Variants in TMEM209 observed in about 807,000 individuals in gnomAD.
TMEM209 encodes the protein transmembrane protein 209.
A neutral mutation model predicts 76.2 loss-of-function variants in TMEM209; 65 were observed. That is an observed-to-expected ratio of 0.85 (90% CI 0.70 to 1.05). The LOEUF (loss-of-function observed/expected upper bound fraction) is 1.05. Ranked by LOEUF, TMEM209 falls within the 50% of genes least tolerant of loss-of-function variation. The pLI, the probability that TMEM209 is intolerant of heterozygous loss-of-function variation, is 0.00. For synonymous variants in TMEM209, 239 were observed against 237.6 expected, an observed-to-expected ratio of 1.01 and a Z score of -0.06; for missense variants, 623 against 685.5, an observed-to-expected ratio of 0.91 and a Z score of 1.02.
intron 13 of TMEM209, among the ~76,000 whole-genome samples, chr7:130,171,076 T>G (rs1282277640): frequency 6.6e-6 from 1 of 151,994 alleles, no homozygotes; most frequent in Non-Finnish European, 1.5e-5. Flanking sequence ...TGGGGGACTG[T>G]GTTTCACACA....
At position 130,204,115 on chromosome 7, in the gene TMEM209, G is replaced by GA; in HGVS notation, c.4-6dup. The GA allele has an allele frequency of 6.9e-6, 11 of 1,591,138 alleles. No homozygotes were observed. Among genetic ancestry groups the GA allele is most frequent in the Non-Finnish European group, 7.7e-6 (9 of 1,172,896 alleles). ...AGGGTGTGCCTCCCCCTGCATCTAT[G>GA]AAAAAACAAAAAGCACAGGAATTAA... is the stretch of plus-strand genomic sequence containing the variant. On this transcript the variant is annotated splice_region_variant and splice_polypyrimidine_tract_variant and intron_variant, in intron 1 of 14. Coordinates refer to ENST00000397622, the MANE Select transcript of TMEM209 (RefSeq NM_032842.4).
chr7:130,198,899 G>T (rs1462121881), intron 5 of TMEM209, among the ~76,000 whole-genome samples: 1 of 152,036 alleles, frequency 6.6e-6, no homozygotes, highest in African/African-American at 2.4e-5. Context: ...TTCTTATGGA[G>T]GTTGTCTTAT....
chr7:130,203,145 A>G (rs1481978938), intron 3 of TMEM209, among the ~76,000 whole-genome samples: 2 of 152,158 alleles, frequency 1.3e-5, no homozygotes, highest in Non-Finnish European at 2.9e-5. Flanking sequence ...AATAGCACTA[A>G]TCCTAGCAAC....
intron 9 of TMEM209, among the ~76,000 whole-genome samples, chr7:130,180,228 T>C (rs573624815): frequency 1.3e-5 from 2 of 152,194 alleles, no homozygotes; most frequent in Non-Finnish European, 2.9e-5. Flanking sequence ...TATTATTACA[T>C]AGTCTTTATG....
At chr7:130,175,892 A>G (rs945478031) in intron 10 of TMEM209, among the ~76,000 whole-genome samples, 2 of 152,238 alleles carry the variant, frequency 1.3e-5, no homozygotes, top group African/African-American at 2.4e-5. Context: ...AATATATTAA[A>G]TATCAGAAAA....
intron 5 of TMEM209, among the ~76,000 whole-genome samples, chr7:130,194,532 T>C (rs1333238906): frequency 6.6e-6 from 1 of 152,188 alleles, no homozygotes; most frequent in Non-Finnish European, 1.5e-5. Context: ...TATAATCCTT[T>C]TTCATATTTT....
chr7:130,170,519 A>T, intron 13 of TMEM209, 46 bp from the exon 14 acceptor site: 1 of 1,476,096 alleles, frequency 6.8e-7, no homozygotes, highest in Non-Finnish European at 9.4e-7. Context: ...AATGAAAAAG[A>T]TTCAATCTGG....
chr7:130,173,776 G>A lies in TMEM209; in HGVS notation c.1460-47C>T, dbSNP rs1797150694. The A allele has an allele frequency of 1.9e-6, 3 of 1,605,596 alleles. No individual in the cohort carries two copies. The East Asian group carries it at 6.7e-5, about 36-fold the overall frequency. ...TGCATTAAAAAACCAAACCCCCAGA[G>A]ATATTTTGTGTGAAAATCTCAACAC... is the stretch of plus-strand genomic sequence containing the variant. On this transcript the variant is annotated intron_variant, in intron 12 of 14. Coordinates refer to ENST00000397622, the MANE Select transcript of TMEM209 (RefSeq NM_032842.4).
chr7:130,200,667 T>C (rs1798157423), intron 5 of TMEM209, among the ~76,000 whole-genome samples: 1 of 152,200 alleles, frequency 6.6e-6, no homozygotes, highest in Non-Finnish European at 1.5e-5. Context: ...TATCATCTTG[T>C]GAAAAATTAT....
In TMEM209 at chr7:130,165,844, G is replaced by C. The variant is rs1796866796; in HGVS notation, c.*607C>G. On this transcript the variant is annotated 3_prime_UTR_variant, in exon 15 of 15. Coordinates refer to ENST00000397622, the MANE Select transcript of TMEM209 (RefSeq NM_032842.4). ...AGGCCGAGGTGGGTGGATCACCTGA[G>C]GTCAGGAGTTCGGGACCAGCCTGGC... The C allele has an allele frequency of 6.6e-6, 1 of 152,168 alleles. No individual in the cohort carries two copies. The highest frequency in any genetic ancestry group is 2.1e-4 in the South Asian group (1 of 4,820). The allele number at this position is 152,168 out of a possible 1,614,324, so 9.4% of individuals were successfully genotyped here.
rs368933293 is a variant in TMEM209 at position 130,166,538 on chromosome 7, G to A, written c.1632-33C>T. The A allele has an allele frequency of 9.9e-4, 1,411 of 1,425,578 alleles. 1 individual carries two copies. Among genetic ancestry groups the A allele is most frequent in the Non-Finnish European group, 1.2e-3 (1,230 of 1,068,240 alleles). 88.3% of individuals were successfully genotyped at this position (1,425,578 alleles called of 1,614,324 possible). A position where few individuals can be genotyped will look rare whatever the true frequency, so the allele number is the denominator to read the frequency against. ...GAGAAAAAAAATTTTTATTAGAATTGGTTGCCAAGCATTTAAGGTCTTTTT... is the reference window on the plus strand; with the variant it reads ...GAGAAAAAAAATTTTTATTAGAATTAGTTGCCAAGCATTTAAGGTCTTTTT... On this transcript the variant is annotated intron_variant, in intron 14 of 14. Transcript: ENST00000397622.
chr7:130,168,756 A>G (rs536279000), intron 14 of TMEM209, among the ~76,000 whole-genome samples: 25 of 152,304 alleles, frequency 1.6e-4, no homozygotes, highest in Admixed American at 9.2e-4. Context: ...CAGCCTGGGC[A>G]ATATAGTGAG....
In TMEM209 at chr7:130,184,212, A is replaced by G; in HGVS notation, c.995T>C (p.Met332Thr). 6.2e-7 allele frequency: 1 copy of G among 1,608,170 alleles called. No individual in the cohort carries two copies. The highest frequency in any genetic ancestry group is 8.5e-7 in the Non-Finnish European group (1 of 1,177,562). Reference sequence around the variant, plus strand: ...TCTAAATTTAGCTGTCCATGAATCCATATGATCAAGAAGTTGTCTATTCAT... The same window carrying G: ...TCTAAATTTAGCTGTCCATGAATCCGTATGATCAAGAAGTTGTCTATTCAT... ...VAMNRQLLDH[M>T]DSWTAKFRNW... Residue 332 changes from methionine to threonine, a missense_variant, in exon 8 of 15, where the codon ATG (methionine) becomes ACG (threonine). By Grantham distance (81) the Met-to-Thr change is moderately conservative. Coordinates refer to ENST00000397622, the MANE Select transcript of TMEM209 (RefSeq NM_032842.4).
intron 8 of TMEM209, among the ~76,000 whole-genome samples, chr7:130,182,972 C>T (rs1797473655): frequency 6.6e-6 from 1 of 152,036 alleles, no homozygotes; most frequent in African/African-American, 2.4e-5. Flanking sequence ...TAACTAGACT[C>T]TGGTGTTATA....
At chr7:130,169,311 T>A (rs1796982812) in intron 14 of TMEM209, among the ~76,000 whole-genome samples, 1 of 152,104 alleles carries the variant, frequency 6.6e-6, no homozygotes, top group Non-Finnish European at 1.5e-5. Flanking sequence ...TCTAGAGCAG[T>A]GCTGTCCAAT....
intron 13 of TMEM209, among the ~76,000 whole-genome samples, chr7:130,172,521 T>C (rs1313516934): frequency 6.6e-6 from 1 of 151,986 alleles, no homozygotes; most frequent in African/African-American, 2.4e-5. Flanking sequence ...TTTTTTTGTA[T>C]TTTTAGTAGA....
In TMEM209 at chr7:130,205,363, G is replaced by C. The variant is rs1372222147; in HGVS notation, c.3+10C>G. The C allele has an allele frequency of 3.1e-6, 5 of 1,613,850 alleles. No homozygotes were observed. The South Asian group carries it at 5.5e-5, about 18-fold the overall frequency. On this transcript the variant is annotated intron_variant, in intron 1 of 14. Transcript: ENST00000397622. ...AGACAGGAAGCACAAACACGACCCCGAAAACGCACCATGTCCTCTGGCCGG... is the reference window on the plus strand; with the variant it reads ...AGACAGGAAGCACAAACACGACCCCCAAAACGCACCATGTCCTCTGGCCGG...
At chr7:130,166,741 A>T (rs1305726457) in intron 14 of TMEM209, among the ~76,000 whole-genome samples, 2 of 152,210 alleles carry the variant, frequency 1.3e-5, no homozygotes, top group Non-Finnish European at 2.9e-5. Context: ...ACAGTTTTTC[A>T]GTAAACAAGA....
chr7:130,199,003 T>C (rs980678126), intron 5 of TMEM209, among the ~76,000 whole-genome samples: 3 of 152,214 alleles, frequency 2.0e-5, no homozygotes, highest in Non-Finnish European at 2.9e-5. Flanking sequence ...ATTGTGTTTA[T>C]TGATTTCATG....
Sources: allele counts gnomAD v4.1 joint callset (sites outside exome capture counted in the v4.1 genomes callset), GRCh38; gene constraint gnomAD v4.1.1; transcripts MANE v1.5; gene names NCBI Gene and HGNC (gene_info 2026-07-23, HGNC 2026-07-21).